The following ZNF571 variants were observed in gnomAD, a reference collection of about 807,000 sequenced individuals.
The protein encoded by ZNF571 is zinc finger protein 571.
In ZNF571, 4 loss-of-function variants were observed where a neutral mutation model predicts 7.7. The ratio of observed to expected loss-of-function variants is 0.52; its 90% confidence interval spans 0.25 to 1.18. The LOEUF (loss-of-function observed/expected upper bound fraction) is 1.18, where lower values mean the gene tolerates loss of function less well. Ranked by LOEUF, ZNF571 falls within the 50% of genes most tolerant of loss-of-function variation. ZNF571 has a pLI of 0.14. For missense variants in ZNF571, 704 were observed against 726.9 expected (o/e 0.97, Z 0.36); for synonymous variants, 251 against 232.4 (o/e 1.08, Z -0.73).
At chr19:37,567,387 G>C (rs572248416) in intron 3 of ZNF571, among the ~76,000 whole-genome samples, 13 of 152,254 alleles carry the variant, frequency 8.5e-5, no homozygotes, top group Admixed American at 5.9e-4. Context: ...CAAAGTTTGA[G>C]AATAGAGCTA....
chr19:37,584,026 C>T lies in ZNF571; in HGVS notation c.81G>A (p.Gln27=), dbSNP rs770687932. Residue 27 remains glutamine, a synonymous_variant, in exon 3 of 4, where the codon CAG becomes CAA. Coordinates refer to ENST00000451802, the MANE Select transcript of ZNF571 (RefSeq NM_016536.5). ...QEEWECLDPA[Q]RDLYRDVMLE... ...ACATCACATCCCTGTACAAGTCCCTCTGAGCAGGGTCCAGGCATTCCCATT... is the reference window on the plus strand; with the variant it reads ...ACATCACATCCCTGTACAAGTCCCTTTGAGCAGGGTCCAGGCATTCCCATT... The T allele has an allele frequency of 2.5e-6, 4 of 1,613,970 alleles. No individual in the cohort carries two copies. The African/African-American group carries it at 5.3e-5, about 22-fold the overall frequency.
Position 37,565,315 on chromosome 19 carries a change from G to C in ZNF571, c.1113C>G (p.Thr371=). ...AAGTAAGTTGTGAGCCACGAAAAAA[G>C]GTCTTCCCGCATTCTTTACATTCAT... is the stretch of plus-strand genomic sequence containing the variant. ...KPYECKECGK[T]FFRGSQLTYH... is the part of the protein sequence containing the mutation. The change falls in exon 4 of 4, where the codon ACC becomes ACG. Residue 371 remains threonine (T), a synonymous_variant. Coordinates refer to ENST00000451802, the MANE Select transcript of ZNF571 (RefSeq NM_016536.5). The C allele has an allele frequency of 6.2e-6, 10 of 1,611,366 alleles. No individual in the cohort carries two copies. Among genetic ancestry groups the C allele is most frequent in the Non-Finnish European group, 8.5e-6 (10 of 1,178,826 alleles).
At position 37,568,355 on chromosome 19, in the gene ZNF571, TTAAC is replaced by T. The variant is rs1175325661; in HGVS notation, c.137-2068_137-2065del. Among the ~76,000 whole-genome samples, 4 of 146,858 alleles carry T rather than the reference TTAAC, an allele frequency of 2.7e-5. No homozygotes were observed. In the East Asian group the frequency reaches 9.0e-4, roughly 33 times the overall value. On this transcript the variant is annotated intron_variant, in intron 3 of 3. Coordinates refer to ENST00000451802, the MANE Select transcript of ZNF571 (RefSeq NM_016536.5). ...TGCCATATACACACCACAGCTCAGT[TTAAC>T]ACCAATTCATGTCAGCAACACATCC...
rs551278178 is a variant in ZNF571, at chr19:37,574,108, T to C, written c.137-7817A>G. Among the ~76,000 whole-genome samples, 4 of 152,312 alleles carry C rather than the reference T, an allele frequency of 2.6e-5. No homozygotes were observed. The East Asian group carries it at 7.7e-4, about 29-fold the overall frequency. ...GTACCCTGAATGATGAAAAATATTC[T>C]AGAAAACTAGGAGGCCTATTTAAAA... is the stretch of plus-strand genomic sequence containing the variant. On this transcript the variant is annotated intron_variant, in intron 3 of 3. Transcript: ENST00000451802.
Position 37,565,771 on chromosome 19 carries a change from A to T in ZNF571, c.657T>A (p.Asn219Lys). ...DLIQHQKIHT[N>K]EKPYQCNACG... ...ATGCGTTACACTGATAAGGTTTTTCATTAGTATGAATTTTCTGATGTTGAA... is the reference window on the plus strand; with the variant it reads ...ATGCGTTACACTGATAAGGTTTTTCTTTAGTATGAATTTTCTGATGTTGAA... Residue 219 changes from asparagine to lysine, a missense_variant, in exon 4 of 4, where the codon AAT becomes AAA. Physicochemically the swap from Asn to Lys is moderately conservative, Grantham distance 94. Coordinates refer to ENST00000451802, the MANE Select transcript of ZNF571 (RefSeq NM_016536.5). The T allele has an allele frequency of 6.2e-7, 1 of 1,613,856 alleles. No homozygotes were observed. Among genetic ancestry groups the T allele is most frequent in the Non-Finnish European group, 8.5e-7 (1 of 1,179,896 alleles).
intron 2 of ZNF571, among the ~76,000 whole-genome samples, chr19:37,584,442 A>G (rs778411028): frequency 7.2e-5 from 11 of 152,210 alleles, no homozygotes; most frequent in South Asian, 2.1e-4. Context: ...TATACTCTCA[A>G]TTAATACAAG....
rs931407450 is a variant in ZNF571, at chr19:37,569,127, A to AT, written c.137-2837dup. Reference sequence around the variant, plus strand: ...ACCACCATGCCTGGCTCATTTTTGTATTTTTAGTAGAGATAGGCCTTCACC... The same window carrying AT: ...ACCACCATGCCTGGCTCATTTTTGTATTTTTTAGTAGAGATAGGCCTTCACC... On this transcript the variant is annotated intron_variant, in intron 3 of 3. Transcript: ENST00000451802. The surrounding 1 kb of genome is among the most constrained non-coding windows in gnomAD (Gnocchi z 4.4). Among the ~76,000 whole-genome samples the AT allele has an allele frequency of 1.3e-5, 2 of 151,866 alleles. No individual in the cohort carries two copies. The highest frequency in any genetic ancestry group is 4.8e-5 in the African/African-American group (2 of 41,330).
chr19:37,579,468 C>G (rs953622764), intron 3 of ZNF571, among the ~76,000 whole-genome samples: 11 of 152,212 alleles, frequency 7.2e-5, no homozygotes, highest in African/African-American at 2.7e-4. Context: ...CATCGGAAAA[C>G]AGGTGACCCT....
intron 3 of ZNF571, among the ~76,000 whole-genome samples, chr19:37,570,982 A>G (rs559066124): frequency 6.6e-6 from 1 of 152,322 alleles, no homozygotes; most frequent in African/African-American, 2.4e-5. Flanking sequence ...TTTTAAATCT[A>G]CTAACAGTAT....
chr19:37,588,901 T>C (rs1365045587), intron 1 of ZNF571, among the ~76,000 whole-genome samples: 1 of 152,072 alleles, frequency 6.6e-6, no homozygotes, highest in Non-Finnish European at 1.5e-5. Context: ...GATATCTAAA[T>C]ATTAAAAAAT....
intron 1 of ZNF571, among the ~76,000 whole-genome samples, chr19:37,590,956 G>A (rs1242457000): frequency 2.6e-5 from 4 of 152,080 alleles, no homozygotes; most frequent in Non-Finnish European, 4.4e-5. Context: ...AATAAAGAAC[G>A]TAAATTATAT....
Position 37,565,715 on chromosome 19 carries a change from A to T in ZNF571, c.713T>A (p.Leu238His). Reference sequence around the variant, plus strand: ...TGTATGAACTCTCTGATGTTCAGTGAGCTGTGAACCACGAATAAAAGCTTT... The same window carrying T: ...TGTATGAACTCTCTGATGTTCAGTGTGCTGTGAACCACGAATAAAAGCTTT... ...CGKAFIRGSQ[L>H]TEHQRVHTGE... is the part of the protein sequence containing the mutation. Residue 238 changes from leucine (L) to histidine (H), a missense_variant, in exon 4 of 4, where the codon CTC (leucine) becomes CAC (histidine). Physicochemically the swap from Leu to His is moderately conservative, Grantham distance 99. Coordinates refer to ENST00000451802, the MANE Select transcript of ZNF571 (RefSeq NM_016536.5). The T allele has an allele frequency of 6.2e-7, 1 of 1,613,930 alleles. No homozygotes were observed. The highest frequency in any genetic ancestry group is 8.5e-7 in the Non-Finnish European group (1 of 1,179,940).
At position 37,582,569 on chromosome 19, in the gene ZNF571, A is replaced by G. The variant is rs755662997; in HGVS notation, c.136+1402T>C. Reference sequence around the variant, plus strand: ...CGGTACAGAGAGTAATCCCATATTTATCTCTTCAGTCCTGACTATCCCCTC... The same window carrying G: ...CGGTACAGAGAGTAATCCCATATTTGTCTCTTCAGTCCTGACTATCCCCTC... On this transcript the variant is annotated intron_variant, in intron 3 of 3. Transcript: ENST00000451802. 2.5e-4 allele frequency among the ~76,000 whole-genome samples: 38 copies of G among 152,096 alleles called. 1 individual carries two copies. The highest frequency in any genetic ancestry group is 8.8e-5 in the Non-Finnish European group (6 of 68,022).
rs58516591 is a variant in ZNF571 at position 37,588,099 on chromosome 19, CAAAAAAAAAA to C, written c.-69-1364_-69-1355del. On this transcript the variant is annotated intron_variant, in intron 1 of 3. Coordinates refer to ENST00000451802, the MANE Select transcript of ZNF571 (RefSeq NM_016536.5). ...TGGGTGACAGAGCGAGACTCCATCTCAAAAAAAAAAAAAAAAAAAAAAAAAAAAATCCCAT... is the reference window on the plus strand; with the variant it reads ...TGGGTGACAGAGCGAGACTCCATCTCAAAAAAAAAAAAAAAAAAATCCCAT... 2.0e-3 allele frequency among the ~76,000 whole-genome samples: 93 copies of C among 45,758 alleles called. 3 individuals are homozygous for C. In the East Asian group the frequency reaches 0.041, roughly 20 times the overall value. The allele number at this position is 45,758 out of a possible 152,430, so 30.0% of individuals were successfully genotyped here.
intron 1 of ZNF571, among the ~76,000 whole-genome samples, chr19:37,593,578 C>T (rs577141788): frequency 3.0e-4 from 45 of 152,248 alleles, no homozygotes; most frequent in Non-Finnish European, 6.0e-4. Context: ...TGGCGGGCGC[C>T]TGTAGTCCCA....
chr19:37,591,613 C>T (rs189315669), intron 1 of ZNF571, among the ~76,000 whole-genome samples: 2 of 152,296 alleles, frequency 1.3e-5, no homozygotes, highest in East Asian at 1.9e-4. Context: ...GGCGCAATCT[C>T]GGCTCACCAC....
intron 1 of ZNF571, among the ~76,000 whole-genome samples, chr19:37,592,134 T>C (rs978225141): frequency 1.3e-5 from 2 of 152,030 alleles, no homozygotes; most frequent in African/African-American, 2.4e-5. Context: ...GGCACATGCC[T>C]GTAATCCCAG....
intron 3 of ZNF571, among the ~76,000 whole-genome samples, chr19:37,577,720 A>C (rs943827483): frequency 1.3e-5 from 2 of 152,288 alleles, no homozygotes; most frequent in African/African-American, 4.8e-5. Flanking sequence ...TTCAACTTTA[A>C]ATTTACTCAA....
At chr19:37,584,843 A>C (rs2043608981) in intron 2 of ZNF571, among the ~76,000 whole-genome samples, 1 of 152,032 alleles carries the variant, frequency 6.6e-6, no homozygotes, top group African/African-American at 2.4e-5. Context: ...GGGCACCTGT[A>C]GTCCCAGCTA....
Sources: gnomAD v4.1 joint callset for allele counts (sites outside exome capture counted in the v4.1 genomes callset) on GRCh38, gnomAD v4.1.1 for gene constraint, Gnocchi (gnomAD v3.1) non-coding constraint, MANE v1.5 for transcripts, NCBI Gene and HGNC (gene_info 2026-07-23, HGNC 2026-07-21) for gene names.